The following CRIM1 variants were observed in gnomAD, a reference collection of about 807,000 sequenced individuals.
CRIM1 encodes the protein cysteine rich transmembrane BMP regulator 1.
In CRIM1, 32 loss-of-function variants were observed where a neutral mutation model predicts 116.4. The observed-to-expected ratio is 0.27, with a 90% CI of 0.21 to 0.37. The LOEUF (loss-of-function observed/expected upper bound fraction) is 0.37. Ranked by LOEUF, CRIM1 falls within the 10% of genes least tolerant of loss-of-function variation. The probability of loss-of-function intolerance (pLI) is 1.00; values close to 1 mark genes in which losing one functional copy is unlikely to be tolerated. For synonymous variants in CRIM1, 590 were observed against 509.2 expected (o/e 1.16, Z -2.13); for missense variants, 1,331 against 1,354.8 (o/e 0.98, Z 0.28).
intron 1 of CRIM1, among the ~76,000 whole-genome samples, chr2:36,373,490 C>T (rs887823973): frequency 3.3e-5 from 5 of 152,172 alleles, no homozygotes; most frequent in African/African-American, 1.2e-4. Flanking sequence ...CTTGAACCAG[C>T]CTTTGACTGG....
chr2:36,356,627 C>A lies in CRIM1; in HGVS notation c.331+4C>A. On this transcript the variant is annotated splice_donor_region_variant and intron_variant, in intron 1 of 16. Transcript: ENST00000280527. This position sits in a 1 kb window ranked among gnomAD's most constrained non-coding sequence, Gnocchi z 4.3. ...TACGAAGCGGGCGTTTGCGAAGGTA[C>A]GGCCGCCCGCTGCGGGCCCCCTCCC... 1 of 1,600,980 alleles carries A rather than the reference C, an allele frequency of 6.2e-7. No homozygotes were observed. The highest frequency in any genetic ancestry group is 8.5e-7 in the Non-Finnish European group (1 of 1,175,040).
chr2:36,472,258 A>C (rs1678587101), intron 5 of CRIM1, among the ~76,000 whole-genome samples: 1 of 152,024 alleles, frequency 6.6e-6, no homozygotes, highest in African/African-American at 2.4e-5. Context: ...CACTGTTCTG[A>C]GATTCACATC....
intron 2 of CRIM1, among the ~76,000 whole-genome samples, chr2:36,436,455 G>A (rs1675320243): frequency 6.6e-6 from 1 of 152,180 alleles, no homozygotes; most frequent in African/African-American, 2.4e-5. Flanking sequence ...TCTTATGCCT[G>A]CTAGTCATGA....
intron 13 of CRIM1, among the ~76,000 whole-genome samples, chr2:36,531,132 A>C (rs1666086299): frequency 6.6e-6 from 1 of 152,212 alleles, no homozygotes; most frequent in South Asian, 2.1e-4. Flanking sequence ...ATTACTTTTC[A>C]GGACTCTAAA....
intron 1 of CRIM1, among the ~76,000 whole-genome samples, chr2:36,377,222 C>A (rs1670393453): frequency 6.6e-6 from 1 of 152,186 alleles, no homozygotes; most frequent in African/African-American, 2.4e-5. Flanking sequence ...CCCTCTTGGC[C>A]CTGTTGCTTC....
intron 1 of CRIM1, among the ~76,000 whole-genome samples, chr2:36,367,243 C>T (rs1669659389): frequency 6.6e-6 from 1 of 152,218 alleles, no homozygotes; most frequent in African/African-American, 2.4e-5. Context: ...TTACCACTAC[C>T]TATCACATCA....
chr2:36,462,442 T>C (rs944480489), intron 4 of CRIM1, among the ~76,000 whole-genome samples: 15 of 152,246 alleles, frequency 9.9e-5, no homozygotes, highest in Admixed American at 9.8e-4. Context: ...GACTTAGTCA[T>C]GGTGTTCAGT....
chr2:36,401,019 A>T (rs2148390427), intron 2 of CRIM1, among the ~76,000 whole-genome samples: 1 of 152,272 alleles, frequency 6.6e-6, no homozygotes, highest in African/African-American at 2.4e-5. Flanking sequence ...GAGCATAATG[A>T]GAAAACATGG....
chr2:36,472,680 ATCAAC>A (rs1488056598), intron 5 of CRIM1, among the ~76,000 whole-genome samples: 1 of 152,200 alleles, frequency 6.6e-6, no homozygotes, highest in Non-Finnish European at 1.5e-5. Flanking sequence ...GCTGTGGTTG[ATCAAC>A]TCAACCAAAT....
At chr2:36,454,822 A>G (rs1677013536) in intron 4 of CRIM1, among the ~76,000 whole-genome samples, 1 of 152,130 alleles carries the variant, frequency 6.6e-6, no homozygotes, top group African/African-American at 2.4e-5. Flanking sequence ...TGAGGTGTCT[A>G]GAGTCCCCCT....
intron 7 of CRIM1, among the ~76,000 whole-genome samples, chr2:36,482,739 C>T (rs1269526991): frequency 1.3e-5 from 2 of 152,158 alleles, no homozygotes; most frequent in Non-Finnish European, 2.9e-5. Context: ...TAGCTACAGT[C>T]TCTAGGTACA....
chr2:36,494,247 C>A (rs940221332), intron 7 of CRIM1, among the ~76,000 whole-genome samples: 8 of 151,988 alleles, frequency 5.3e-5, no homozygotes, highest in African/African-American at 1.9e-4. Context: ...TAAAATTGCT[C>A]CTAGGAAATA....
chr2:36,544,322 G>C, intron 14 of CRIM1, 54 bp from the exon 15 acceptor site: 1 of 1,312,736 alleles, frequency 7.6e-7, no homozygotes, highest in Admixed American at 3.0e-5. Context: ...GAATACAAAA[G>C]CCAACAATAC....
rs145609426 is a variant in CRIM1 at position 36,477,942 on chromosome 2, T to C, written c.1174+871T>C. ...TGTTCTTCTGACAACACAACACTGT[T>C]TCCCCAGAAAGGAAGGTCTTGTGAG... On this transcript the variant is annotated intron_variant, in intron 6 of 16. Coordinates refer to ENST00000280527, the MANE Select transcript of CRIM1 (RefSeq NM_016441.3). Among the ~76,000 whole-genome samples, 860 of 152,300 alleles carry C rather than the reference T, an allele frequency of 5.6e-3. 8 individuals are homozygous for C. Among genetic ancestry groups the C allele is most frequent in the African/African-American group, 0.02 (828 of 41,548 alleles).
chr2:36,509,559 T>C (rs1681675494), intron 8 of CRIM1, among the ~76,000 whole-genome samples: 1 of 152,160 alleles, frequency 6.6e-6, no homozygotes, highest in Non-Finnish European at 1.5e-5. Context: ...TGCATTATTA[T>C]GGACATGCAA....
intron 4 of CRIM1, among the ~76,000 whole-genome samples, chr2:36,448,900 CCT>C (rs1476320866): frequency 1.3e-5 from 2 of 152,136 alleles, no homozygotes; most frequent in African/African-American, 4.8e-5. Context: ...CTGGCTCCTG[CCT>C]CTCTCTGACC....
chr2:36,537,342 T>A lies in CRIM1; in HGVS notation c.2429-10T>A. 1 of 1,613,906 alleles carries A rather than the reference T, an allele frequency of 6.2e-7. No homozygotes were observed. The highest frequency in any genetic ancestry group is 8.5e-7 in the Non-Finnish European group (1 of 1,179,884). Reference sequence around the variant, plus strand: ...TCAGCGACTCCATCATGTGCTGTTCTTTTCACTAGAAGACACAATTCCAAA... The same window carrying A: ...TCAGCGACTCCATCATGTGCTGTTCATTTCACTAGAAGACACAATTCCAAA... On this transcript the variant is annotated splice_polypyrimidine_tract_variant and intron_variant, in intron 13 of 16. Coordinates refer to ENST00000280527, the MANE Select transcript of CRIM1 (RefSeq NM_016441.3).
At chr2:36,530,661 G>C (rs1666052368) in intron 13 of CRIM1, among the ~76,000 whole-genome samples, 1 of 152,126 alleles carries the variant, frequency 6.6e-6, no homozygotes, top group Non-Finnish European at 1.5e-5. Flanking sequence ...TATGTCATTG[G>C]TAATACTTGG....
chr2:36,402,012 A>G (rs1672443710), intron 2 of CRIM1, among the ~76,000 whole-genome samples: 1 of 152,186 alleles, frequency 6.6e-6, no homozygotes, highest in South Asian at 2.1e-4. Flanking sequence ...TACAGGGAAG[A>G]CAGAGGCTCC....
Sources: allele counts gnomAD v4.1 joint callset (sites outside exome capture counted in the v4.1 genomes callset), GRCh38; gene constraint gnomAD v4.1.1; non-coding constraint Gnocchi (gnomAD v3.1); transcripts MANE v1.5; gene names NCBI Gene and HGNC (gene_info 2026-07-23, HGNC 2026-07-21).